The following TAFA1 variants were observed in gnomAD, a reference collection of about 807,000 sequenced individuals.
The protein encoded by TAFA1 is chemokine-like protein TAFA-1.
In TAFA1, 4 loss-of-function variants were observed where a neutral mutation model predicts 18.5. That is an observed-to-expected ratio of 0.22 (90% CI 0.11 to 0.49). The LOEUF is 0.49. TAFA1 is among the 20% of genes least tolerant of loss of function. The pLI is 0.98. For missense variants in TAFA1, 147 were observed against 169.0 expected, an observed-to-expected ratio of 0.87 and a Z score of 0.72; for synonymous variants, 56 against 55.2, an observed-to-expected ratio of 1.01 and a Z score of -0.06.
chr3:68,190,968 T>C (rs1250646506), intron 2 of TAFA1, among the ~76,000 whole-genome samples: 1 of 151,864 alleles, frequency 6.6e-6, no homozygotes, highest in Non-Finnish European at 1.5e-5. Context: ...TTTTGGATAC[T>C]GCCTACATTG....
chr3:68,211,531 G>A (rs796491901), intron 2 of TAFA1, among the ~76,000 whole-genome samples: 1 of 152,040 alleles, frequency 6.6e-6, no homozygotes, highest in Admixed American at 6.6e-5. Flanking sequence ...CAGAATGACA[G>A]CCCTCATGAA....
intron 2 of TAFA1, among the ~76,000 whole-genome samples, chr3:68,389,149 A>T (rs1042420124): frequency 1.3e-5 from 2 of 152,178 alleles, no homozygotes; most frequent in Non-Finnish European, 2.9e-5. Flanking sequence ...ATGCCTAGAC[A>T]GTCTTTATTC....
intron 2 of TAFA1, among the ~76,000 whole-genome samples, chr3:68,109,187 A>G (rs901456154): frequency 6.6e-6 from 1 of 152,150 alleles, no homozygotes; most frequent in African/African-American, 2.4e-5. Context: ...TGAAAAGAAA[A>G]AAAAGGTGTT....
chr3:68,490,794 G>A (rs945035486), intron 3 of TAFA1, among the ~76,000 whole-genome samples: 1 of 148,170 alleles, frequency 6.7e-6, no homozygotes, highest in Admixed American at 6.6e-5. Context: ...GATATCAATA[G>A]ATGAACAAAG....
chr3:68,292,731 C>T (rs2068133304), intron 2 of TAFA1, among the ~76,000 whole-genome samples: 1 of 151,992 alleles, frequency 6.6e-6, no homozygotes, highest in African/African-American at 2.4e-5. Flanking sequence ...TTTTGGTAGA[C>T]AGGGTCTCGC....
At chr3:68,458,600 T>A (rs186155382) in intron 3 of TAFA1, among the ~76,000 whole-genome samples, 16 of 152,286 alleles carry the variant, frequency 1.1e-4, no homozygotes, top group African/African-American at 3.4e-4. Context: ...CTAAGTTTAT[T>A]AGTCATCCCA....
intron 2 of TAFA1, among the ~76,000 whole-genome samples, chr3:68,334,066 G>A (rs1029397297): frequency 1.3e-5 from 2 of 152,138 alleles, no homozygotes; most frequent in African/African-American, 4.8e-5. Context: ...AAAAAGTTCA[G>A]GAGGCCCAAT....
chr3:68,375,217 AG>A (rs2069786285), intron 2 of TAFA1, among the ~76,000 whole-genome samples: 2 of 152,156 alleles, frequency 1.3e-5, no homozygotes, highest in African/African-American at 4.8e-5. Context: ...ATCAAAGGCA[AG>A]AGCTTGCTTT....
At chr3:68,253,876 T>C (rs1223501130) in intron 2 of TAFA1, among the ~76,000 whole-genome samples, 1 of 152,176 alleles carries the variant, frequency 6.6e-6, no homozygotes, top group Non-Finnish European at 1.5e-5. Flanking sequence ...TAATGCAGAA[T>C]GAAGGTCATT....
At chr3:68,253,968 A>G (rs957073277) in intron 2 of TAFA1, among the ~76,000 whole-genome samples, 15 of 152,178 alleles carry the variant, frequency 9.9e-5, no homozygotes, top group African/African-American at 3.4e-4. Flanking sequence ...ACTTTACAGA[A>G]GCTGCAAACA....
chr3:68,529,950 G>A (rs937357368), intron 3 of TAFA1, among the ~76,000 whole-genome samples: 2 of 152,114 alleles, frequency 1.3e-5, no homozygotes, highest in Non-Finnish European at 2.9e-5. Flanking sequence ...TCCCCAACCT[G>A]AGCCTGCTCT....
chr3:68,440,282 T>A (rs2071351416), intron 3 of TAFA1, among the ~76,000 whole-genome samples: 1 of 152,168 alleles, frequency 6.6e-6, no homozygotes, highest in South Asian at 2.1e-4. Context: ...TTGTGAGGCC[T>A]CCCCAGCCAC....
At chr3:68,454,424 C>T (rs1247460059) in intron 3 of TAFA1, among the ~76,000 whole-genome samples, 2 of 152,164 alleles carry the variant, frequency 1.3e-5, no homozygotes, top group Admixed American at 6.6e-5. Context: ...TCTGAAACAG[C>T]CTTGTACAAG....
At chr3:68,232,536 A>G (rs2066884055) in intron 2 of TAFA1, among the ~76,000 whole-genome samples, 1 of 152,218 alleles carries the variant, frequency 6.6e-6, no homozygotes, top group African/African-American at 2.4e-5. Context: ...GATATTCAGT[A>G]TACTGATTTT....
At chr3:68,335,444 A>T (rs897964594) in intron 2 of TAFA1, among the ~76,000 whole-genome samples, 1 of 152,166 alleles carries the variant, frequency 6.6e-6, no homozygotes, top group Non-Finnish European at 1.5e-5. Context: ...ACTTTTCCAT[A>T]CTCATGATTA....
intron 2 of TAFA1, among the ~76,000 whole-genome samples, chr3:68,126,387 G>A (rs1344827987): frequency 1.3e-5 from 2 of 152,198 alleles, no homozygotes; most frequent in Non-Finnish European, 2.9e-5. Flanking sequence ...TGTGGCACCA[G>A]CAATGTGGTA....
rs371451375 is a variant in TAFA1 at position 68,417,290 on chromosome 3, G to T, written c.129G>T (p.Thr43=). 1 of 1,612,944 alleles carries T rather than the reference G, an allele frequency of 6.2e-7. No homozygotes were observed. The highest frequency in any genetic ancestry group is 1.3e-5 in the African/African-American group (1 of 74,956). Residue 43 remains threonine, a synonymous_variant, in exon 3 of 5, where the codon ACG becomes ACT. Coordinates refer to ENST00000478136, the MANE Select transcript of TAFA1 (RefSeq NM_213609.4). ...TTTCTCTCTTGCCAGAAGGAGGGACGTGTGAAGTGATAGCAGCACACCGAT... is the reference window on the plus strand; with the variant it reads ...TTTCTCTCTTGCCAGAAGGAGGGACTTGTGAAGTGATAGCAGCACACCGAT... ...QHHLHRPEGG[T]CEVIAAHRCC... is the part of the protein sequence containing the mutation.
chr3:68,225,240 T>C (rs1225996310), intron 2 of TAFA1, among the ~76,000 whole-genome samples: 1 of 152,050 alleles, frequency 6.6e-6, no homozygotes, highest in Non-Finnish European at 1.5e-5. Flanking sequence ...GTTTCAGTGT[T>C]AGTTTATTTC....
chr3:68,479,139 G>A (rs994792686), intron 3 of TAFA1, among the ~76,000 whole-genome samples: 7 of 148,940 alleles, frequency 4.7e-5, no homozygotes, highest in Non-Finnish European at 1.0e-4. Flanking sequence ...GCTGAGACAG[G>A]AGAATCGCTT....
Sources: gnomAD v4.1 joint callset for allele counts (sites outside exome capture counted in the v4.1 genomes callset) on GRCh38, gnomAD v4.1.1 for gene constraint, MANE v1.5 for transcripts, NCBI Gene and HGNC (gene_info 2026-07-23, HGNC 2026-07-21) for gene names.